Variants in CDC42SE2 observed in about 807,000 individuals in gnomAD.
CDC42SE2 encodes CDC42 small effector protein 2.
Under a neutral mutation model 11.5 loss-of-function variants are expected in CDC42SE2, and 3 were observed. The observed-to-expected ratio is 0.26, with a 90% confidence interval of 0.12 to 0.67. The LOEUF is 0.67. Among genes scored for constraint, CDC42SE2 ranks in the 30% least tolerant of loss-of-function variants. The probability of loss-of-function intolerance (pLI) is 0.80; values close to 1 mark genes in which losing one functional copy is unlikely to be tolerated. For synonymous variants in CDC42SE2, 33 were observed against 34.8 expected (o/e 0.95, Z 0.18); for missense variants, 82 against 106.8 (o/e 0.77, Z 1.02).
chr5:131,337,607 T>G (rs1192261897), intron 2 of CDC42SE2, among the ~76,000 whole-genome samples: 1 of 152,258 alleles, frequency 6.6e-6, no homozygotes. Flanking sequence ...TGAGCTGTGG[T>G]GGGCTCCACC....
intron 1 of CDC42SE2, among the ~76,000 whole-genome samples, chr5:131,285,822 T>G (rs1486234625): frequency 6.6e-6 from 1 of 152,174 alleles, no homozygotes; most frequent in African/African-American, 2.4e-5. Context: ...ACACTGAATC[T>G]GGTACCACAG....
At chr5:131,378,522 T>C (rs1750220141) in intron 3 of CDC42SE2, among the ~76,000 whole-genome samples, 1 of 152,234 alleles carries the variant, frequency 6.6e-6, no homozygotes, top group Non-Finnish European at 1.5e-5. Flanking sequence ...CAAACTTCTC[T>C]TAACGGTTCT....
At chr5:131,307,119 G>T (rs1045159796) in intron 1 of CDC42SE2, among the ~76,000 whole-genome samples, 4 of 151,396 alleles carry the variant, frequency 2.6e-5, no homozygotes. Flanking sequence ...ACATTGTGCA[G>T]GTTAGTTACA....
intron 2 of CDC42SE2, among the ~76,000 whole-genome samples, chr5:131,342,142 T>C (rs1422197050): frequency 6.6e-6 from 1 of 150,712 alleles, no homozygotes; most frequent in African/African-American, 2.4e-5. Context: ...TAGCTGGGTG[T>C]CGTGGTGCAT....
intron 2 of CDC42SE2, among the ~76,000 whole-genome samples, chr5:131,353,554 T>G (rs1280021589): frequency 1.3e-5 from 2 of 152,154 alleles, no homozygotes; most frequent in Non-Finnish European, 2.9e-5. Context: ...AGTGCTAGGA[T>G]TACAGGTCTG....
At chr5:131,323,050 C>G (rs1420694948) in intron 2 of CDC42SE2, among the ~76,000 whole-genome samples, 1 of 151,978 alleles carries the variant, frequency 6.6e-6, no homozygotes, top group Non-Finnish European at 1.5e-5. Context: ...TCTTTTGAGA[C>G]AGGCTTTCAC....
At chr5:131,277,494 C>T (rs1279580334) in intron 1 of CDC42SE2, among the ~76,000 whole-genome samples, 3 of 152,188 alleles carry the variant, frequency 2.0e-5, no homozygotes, top group Non-Finnish European at 2.9e-5. Context: ...AGTTGTTTCT[C>T]AACCCATTCA....
intron 4 of CDC42SE2, among the ~76,000 whole-genome samples, chr5:131,386,845 T>TTAG (rs1332715523): frequency 2.0e-5 from 3 of 151,838 alleles, no homozygotes; most frequent in South Asian, 4.2e-4. Context: ...TATACCAACT[T>TTAG]ACTAGACAGC....
chr5:131,291,483 T>G (rs935058979), intron 1 of CDC42SE2, among the ~76,000 whole-genome samples: 1 of 152,176 alleles, frequency 6.6e-6, no homozygotes, highest in Non-Finnish European at 1.5e-5. Flanking sequence ...TTTATTTTGT[T>G]TAGTTACTCT....
At position 131,393,858 on chromosome 5, in the gene CDC42SE2, C is replaced by T; in HGVS notation, c.*2767C>T. On this transcript the variant is annotated 3_prime_UTR_variant, in exon 5 of 5. Transcript: ENST00000505065. ...TTTTTTTTTTTGCTGCTCCAACGACCAGCATGTGTTGGAGCAGATCTCCAT... is the reference window on the plus strand; with the variant it reads ...TTTTTTTTTTTGCTGCTCCAACGACTAGCATGTGTTGGAGCAGATCTCCAT... 1 of 140,492 alleles carries T rather than the reference C, an allele frequency of 7.1e-6. No homozygotes were observed. Among genetic ancestry groups the T allele is most frequent in the Non-Finnish European group, 1.5e-5 (1 of 66,148 alleles). 8.7% of individuals were successfully genotyped at this position (140,492 alleles called of 1,614,324 possible).
At chr5:131,332,250 G>C (rs989871159) in intron 2 of CDC42SE2, among the ~76,000 whole-genome samples, 1 of 152,138 alleles carries the variant, frequency 6.6e-6, no homozygotes, top group African/African-American at 2.4e-5. Flanking sequence ...AGTTTGCTGA[G>C]AATGATGGTT....
chr5:131,345,187 C>T (rs929686305), intron 2 of CDC42SE2, among the ~76,000 whole-genome samples: 4 of 152,026 alleles, frequency 2.6e-5, no homozygotes, highest in African/African-American at 9.7e-5. Context: ...TTCAGATGAT[C>T]GGTAATAATA....
At chr5:131,368,033 C>T (rs979192510) in intron 3 of CDC42SE2, among the ~76,000 whole-genome samples, 6 of 152,028 alleles carry the variant, frequency 3.9e-5, no homozygotes, top group African/African-American at 1.4e-4. Context: ...GAGGGTTGAT[C>T]ACGAGGTCAG....
intron 3 of CDC42SE2, among the ~76,000 whole-genome samples, chr5:131,380,498 C>G (rs1350233456): frequency 6.6e-6 from 1 of 152,134 alleles, no homozygotes; most frequent in Non-Finnish European, 1.5e-5. Context: ...CTTTAAATGT[C>G]CACATTGTGC....
At chr5:131,289,221 A>G (rs1183274836) in intron 1 of CDC42SE2, among the ~76,000 whole-genome samples, 2 of 152,214 alleles carry the variant, frequency 1.3e-5, no homozygotes, top group African/African-American at 4.8e-5. Context: ...TATAAAATCT[A>G]ATTGCTGGTC....
At chr5:131,379,686 G>T (rs1210217628) in intron 3 of CDC42SE2, among the ~76,000 whole-genome samples, 2 of 151,978 alleles carry the variant, frequency 1.3e-5, no homozygotes, top group Non-Finnish European at 2.9e-5. Flanking sequence ...AGTTCATTTG[G>T]GTCTCTAGTC....
At chr5:131,390,149 GT>G (rs530618891) in intron 4 of CDC42SE2, among the ~76,000 whole-genome samples, 9 of 152,106 alleles carry the variant, frequency 5.9e-5, no homozygotes, top group Admixed American at 2.6e-4. Context: ...AGGATAAATA[GT>G]TTACCCAGTT....
chr5:131,312,116 G>T (rs1757932416), intron 1 of CDC42SE2, among the ~76,000 whole-genome samples: 1 of 152,096 alleles, frequency 6.6e-6, no homozygotes, highest in Non-Finnish European at 1.5e-5. Flanking sequence ...GTACAGATGG[G>T]TTTTTGGTGT....
intron 4 of CDC42SE2, among the ~76,000 whole-genome samples, chr5:131,387,916 T>C (rs1459971388): frequency 2.0e-5 from 3 of 152,252 alleles, no homozygotes; most frequent in Non-Finnish European, 2.9e-5. Flanking sequence ...TATTTGAGTT[T>C]GCTATCTCTA....
Sources: gnomAD v4.1 joint callset for allele counts (sites outside exome capture counted in the v4.1 genomes callset) on GRCh38, gnomAD v4.1.1 for gene constraint, MANE v1.5 for transcripts, NCBI Gene and HGNC (gene_info 2026-07-23, HGNC 2026-07-21) for gene names.